Variants in CNTN4 observed in about 807,000 individuals in gnomAD.
The protein encoded by CNTN4 is contactin 4.
A neutral mutation model predicts 122.5 loss-of-function variants in CNTN4; 77 were observed. That is an observed-to-expected ratio of 0.63 (90% CI 0.52 to 0.76). CNTN4 has a LOEUF of 0.76. CNTN4 is among the 30% of genes least tolerant of loss of function. CNTN4 has a pLI of 0.00. For missense variants in CNTN4, 1,256 were observed against 1,259.1 expected (o/e 1.00, Z 0.04); for synonymous variants, 512 against 447.0 (o/e 1.15, Z -1.83).
At chr3:2,784,519 G>C (rs7623683) in intron 6 of CNTN4, among the ~76,000 whole-genome samples, 138,745 of 152,252 alleles carry the variant, frequency 0.91, 63,417 homozygotes, top group South Asian at 0.98. Flanking sequence ...AATATTCAAA[G>C]TTAAACCATA....
rs138881252 is a variant in CNTN4, at chr3:2,560,164, G to A, written c.-88-11252G>A. On this transcript the variant is annotated intron_variant, in intron 3 of 24. Coordinates refer to ENST00000418658, the MANE Select transcript of CNTN4 (RefSeq NM_175607.3). ...CTTTTTCTTTTTTTTTTTTAAGACA[G>A]GGTTTCACTCCCATCACCCAGGCTA... 3.3e-3 allele frequency among the ~76,000 whole-genome samples: 491 copies of A among 149,114 alleles called. 3 individuals are homozygous for A. The highest frequency in any genetic ancestry group is 0.011 in the African/African-American group (464 of 40,552).
At chr3:2,401,073 G>T (rs2046840216) in intron 3 of CNTN4, among the ~76,000 whole-genome samples, 1 of 151,986 alleles carries the variant, frequency 6.6e-6, no homozygotes, top group African/African-American at 2.4e-5. Flanking sequence ...ATACTGAAAT[G>T]GCTGATCCCA....
In CNTN4 at chr3:2,591,417, T is replaced by G. The variant is rs1236628298; in HGVS notation, c.55+19859T>G. Among the ~76,000 whole-genome samples the G allele has an allele frequency of 2.0e-4, 18 of 91,394 alleles. 1 individual carries two copies. The highest frequency in any genetic ancestry group is 4.7e-4 in the South Asian group (1 of 2,118). 60.0% of individuals were successfully genotyped at this position (91,394 alleles called of 152,430 possible). On this transcript the variant is annotated intron_variant, in intron 4 of 24. Coordinates refer to ENST00000418658, the MANE Select transcript of CNTN4 (RefSeq NM_175607.3). ...TCTCGCTCTGTCGCCCAGGCTGGAG[T>G]GCAGTGGCGGGATCTCGGCTCACTG...
intron 2 of CNTN4, among the ~76,000 whole-genome samples, chr3:2,189,463 T>C (rs1205435262): frequency 1.3e-5 from 2 of 152,146 alleles, no homozygotes; most frequent in African/African-American, 2.4e-5. Flanking sequence ...TAACGTGGTA[T>C]ATGGTAGTGC....
intron 3 of CNTN4, among the ~76,000 whole-genome samples, chr3:2,389,774 A>G (rs1207296618): frequency 1.3e-5 from 2 of 152,240 alleles, no homozygotes; most frequent in African/African-American, 2.4e-5. Flanking sequence ...GTAGCATGAC[A>G]GTAATGGGAC....
chr3:2,442,253 CG>C (rs1321561778), intron 3 of CNTN4, among the ~76,000 whole-genome samples: 2 of 151,802 alleles, frequency 1.3e-5, no homozygotes, highest in Non-Finnish European at 2.9e-5. Context: ...TTTGTTAAAT[CG>C]AGGAAGGAAT....
intron 12 of CNTN4, among the ~76,000 whole-genome samples, chr3:2,909,484 G>C (rs766237049): frequency 6.0e-5 from 9 of 151,260 alleles, no homozygotes; most frequent in Non-Finnish European, 7.4e-5. Flanking sequence ...GAAATCACCA[G>C]TAAATCCCAG....
chr3:2,366,592 T>C (rs2045387357), intron 3 of CNTN4, among the ~76,000 whole-genome samples: 3 of 151,984 alleles, frequency 2.0e-5, no homozygotes, highest in African/African-American at 7.2e-5. Flanking sequence ...CCAGGCATGG[T>C]GGCGGGCGCC....
chr3:3,055,045 C>A (rs1701659674), intron 24 of CNTN4, among the ~76,000 whole-genome samples: 1 of 152,116 alleles, frequency 6.6e-6, no homozygotes. Flanking sequence ...CATGTGACAT[C>A]CCTCTGCTAA....
chr3:2,675,385 A>T (rs1427699330), intron 4 of CNTN4, among the ~76,000 whole-genome samples: 2 of 152,120 alleles, frequency 1.3e-5, no homozygotes, highest in African/African-American at 4.8e-5. Flanking sequence ...CTCACATATA[A>T]GTTCTCACCT....
chr3:2,287,834 A>C (rs2041999887), intron 2 of CNTN4, among the ~76,000 whole-genome samples: 1 of 152,068 alleles, frequency 6.6e-6, no homozygotes, highest in Non-Finnish European at 1.5e-5. Context: ...AAGAAGGCTG[A>C]TCTGATTGAC....
At chr3:2,907,585 A>AAG (rs397950291) in intron 12 of CNTN4, among the ~76,000 whole-genome samples, 1 of 151,378 alleles carries the variant, frequency 6.6e-6, no homozygotes, top group Admixed American at 6.6e-5. Flanking sequence ...AAAAAAAAAA[A>AAG]TTATCTCTTG....
chr3:2,873,830 A>G (rs1184530758), intron 8 of CNTN4, among the ~76,000 whole-genome samples: 1 of 152,224 alleles, frequency 6.6e-6, no homozygotes, highest in Non-Finnish European at 1.5e-5. Flanking sequence ...GGCAACAGGT[A>G]GAGATATGCC....
At chr3:2,650,414 T>A (rs541763093) in intron 4 of CNTN4, among the ~76,000 whole-genome samples, 1 of 152,206 alleles carries the variant, frequency 6.6e-6, no homozygotes, top group African/African-American at 2.4e-5. Flanking sequence ...GTGCAAATTG[T>A]TGAAATGACA....
chr3:2,314,193 A>G (rs1285166149), intron 2 of CNTN4, among the ~76,000 whole-genome samples: 1 of 151,956 alleles, frequency 6.6e-6, no homozygotes, highest in Non-Finnish European at 1.5e-5. Flanking sequence ...GCCAAAGAAC[A>G]TGAAGTTTCA....
At chr3:2,932,106 A>G (rs989958149) in intron 13 of CNTN4, among the ~76,000 whole-genome samples, 12 of 152,204 alleles carry the variant, frequency 7.9e-5, no homozygotes, top group East Asian at 1.9e-4. Flanking sequence ...GGCCGGGCGC[A>G]GTGGCTCACG....
chr3:3,027,329 T>TA (rs1441956903), intron 15 of CNTN4, among the ~76,000 whole-genome samples: 1 of 152,160 alleles, frequency 6.6e-6, no homozygotes, highest in Non-Finnish European at 1.5e-5. Context: ...GTTAATTCGT[T>TA]ACATCAGTGG....
intron 3 of CNTN4, among the ~76,000 whole-genome samples, chr3:2,365,437 CA>C (rs1401475145): frequency 3.9e-5 from 6 of 152,090 alleles, no homozygotes; most frequent in African/African-American, 7.2e-5. Context: ...CAGGCCCAGT[CA>C]AATTAATCTT....
chr3:2,524,679 A>G (rs1324041783), intron 3 of CNTN4, among the ~76,000 whole-genome samples: 1 of 152,116 alleles, frequency 6.6e-6, no homozygotes, highest in Non-Finnish European at 1.5e-5. Context: ...AATGTTCCCA[A>G]CACTTTTTGT....
Sources: allele counts gnomAD v4.1 joint callset (sites outside exome capture counted in the v4.1 genomes callset), GRCh38; gene constraint gnomAD v4.1.1; transcripts MANE v1.5; gene names NCBI Gene and HGNC (gene_info 2026-07-23, HGNC 2026-07-21).